Variants in CDH4 observed in about 807,000 individuals in gnomAD.
CDH4 encodes the protein cadherin 4, also known as cadherin-4.
A neutral mutation model predicts 86.0 loss-of-function variants in CDH4; 33 were observed. That is an observed-to-expected ratio of 0.38 (90% CI 0.29 to 0.51). The LOEUF is 0.51. CDH4 is among the 20% of genes least tolerant of loss of function. The pLI is 0.86. For synonymous variants in CDH4, 555 were observed against 549.4 expected (o/e 1.01, Z -0.14); for missense variants, 1,114 against 1,307.4 (o/e 0.85, Z 2.28).
intron 2 of CDH4, among the ~76,000 whole-genome samples, chr20:61,634,643 G>C (rs1352263552): frequency 6.6e-6 from 1 of 152,252 alleles, no homozygotes. Flanking sequence ...GTTGCTGGGA[G>C]CTTTTTTCCC....
intron 2 of CDH4, among the ~76,000 whole-genome samples, chr20:61,456,334 G>C (rs981029782): frequency 2.6e-4 from 40 of 152,360 alleles, no homozygotes; most frequent in African/African-American, 9.6e-4. Flanking sequence ...AGAACATTAA[G>C]TTGTTTAAGA....
intron 2 of CDH4, among the ~76,000 whole-genome samples, chr20:61,586,092 ATGATGG>A (rs1437521114): frequency 8.0e-5 from 12 of 150,312 alleles, no homozygotes; most frequent in Middle Eastern, 3.6e-3. Flanking sequence ...GGTGATGAAG[ATGATGG>A]TGATGGTGAT....
intron 4 of CDH4, among the ~76,000 whole-genome samples, chr20:61,826,709 A>G (rs892237565): frequency 3.3e-5 from 5 of 152,222 alleles, no homozygotes; most frequent in African/African-American, 1.2e-4. Context: ...TACTGCATGC[A>G]TTAGGGTGTG....
chr20:61,791,897 G>A (rs929321600), intron 4 of CDH4, among the ~76,000 whole-genome samples: 1 of 152,042 alleles, frequency 6.6e-6, no homozygotes, highest in African/African-American at 2.4e-5. Context: ...GAGGGAAAGG[G>A]AGGGAGGGGC....
intron 2 of CDH4, among the ~76,000 whole-genome samples, chr20:61,481,914 TATCG>T (rs1274599301): frequency 6.6e-6 from 1 of 152,240 alleles, no homozygotes; most frequent in African/African-American, 2.4e-5. Flanking sequence ...GTTCCATACA[TATCG>T]ATGACTTTTC....
intron 4 of CDH4, among the ~76,000 whole-genome samples, chr20:61,790,016 ATCCACAG>A (rs1979085799): frequency 6.6e-6 from 1 of 152,186 alleles, no homozygotes; most frequent in African/African-American, 2.4e-5. Context: ...TGAACAGTAT[ATCCACAG>A]TCTATTACAT....
chr20:61,812,262 G>A (rs4925296), intron 4 of CDH4, among the ~76,000 whole-genome samples: 118,857 of 151,988 alleles, frequency 0.78, 47,160 homozygotes, highest in East Asian at 0.85. Flanking sequence ...AGCCAGAGAC[G>A]GTCTCAGCCC....
intron 2 of CDH4, among the ~76,000 whole-genome samples, chr20:61,422,454 A>AAAAAAAAAAAAAAAAAAAAAAAAAC (rs2085184700): frequency 1.3e-5 from 1 of 78,982 alleles, no homozygotes; most frequent in Non-Finnish European, 2.5e-5. Flanking sequence ...AAAAAAAAAA[A>AAAAAAAAAAAAAAAAAAAAAAAAAC]AAAAAAAAAA....
chr20:61,705,667 C>T (rs1283592338), intron 2 of CDH4, among the ~76,000 whole-genome samples: 2 of 152,180 alleles, frequency 1.3e-5, no homozygotes, highest in African/African-American at 4.8e-5. Context: ...GGACTCATTG[C>T]AGCTTGGCCT....
intron 2 of CDH4, among the ~76,000 whole-genome samples, chr20:61,543,401 T>TA (rs2086054731): frequency 6.6e-6 from 1 of 152,210 alleles, no homozygotes; most frequent in African/African-American, 2.4e-5. Flanking sequence ...TCCCGTGACT[T>TA]AGAAAAGTGA....
chr20:61,640,592 G>T (rs1303917034), intron 2 of CDH4, among the ~76,000 whole-genome samples: 2 of 152,164 alleles, frequency 1.3e-5, no homozygotes, highest in Non-Finnish European at 2.9e-5. Context: ...AAATCTGTAG[G>T]TTGGAGTCCG....
intron 2 of CDH4, among the ~76,000 whole-genome samples, chr20:61,683,574 A>T (rs1270484295): frequency 1.3e-5 from 2 of 152,172 alleles, no homozygotes; most frequent in East Asian, 3.9e-4. Flanking sequence ...GCTTCCTCAG[A>T]TCCCGCAGAT....
At position 61,426,728 on chromosome 20, in the gene CDH4, G is replaced by T. The variant is rs2085217459; in HGVS notation, c.169+171791G>T. Among the ~76,000 whole-genome samples, 2 of 152,228 alleles carry T rather than the reference G, an allele frequency of 1.3e-5. 1 individual carries two copies. Among genetic ancestry groups the T allele is most frequent in the South Asian group, 4.1e-4 (2 of 4,834 alleles). On this transcript the variant is annotated intron_variant, in intron 2 of 15. Transcript: ENST00000614565. ...TGAGCTGTTGACACCAGCGAAGGTG[G>T]AGGGAGGGCTTTGGCCCCGCAAATT...
chr20:61,651,882 G>A lies in CDH4; in HGVS notation c.170-91681G>A, dbSNP rs181639873. Among the ~76,000 whole-genome samples the A allele has an allele frequency of 2.0e-3, 299 of 152,316 alleles. 3 individuals are homozygous for A. The highest frequency in any genetic ancestry group is 5.9e-3 in the African/African-American group (244 of 41,578). The stretch of plus-strand genomic sequence containing the variant: ...GGGTGGGAAGCCATCGGGGCTGGGC[G>A]TGCCAGGCAGGGCCCCAGCTCTGGG... On this transcript the variant is annotated intron_variant, in intron 2 of 15. Transcript: ENST00000614565.
intron 2 of CDH4, among the ~76,000 whole-genome samples, chr20:61,421,873 A>G (rs1241759754): frequency 6.6e-6 from 1 of 152,164 alleles, no homozygotes; most frequent in Admixed American, 6.5e-5. Flanking sequence ...ACCCATGCTC[A>G]TGGACTAAAC....
At position 61,410,258 on chromosome 20, in the gene CDH4, G is replaced by A. The variant is rs866028463; in HGVS notation, c.169+155321G>A. 4.0e-5 allele frequency among the ~76,000 whole-genome samples: 6 copies of A among 151,342 alleles called. No individual in the cohort carries two copies. The South Asian group carries it at 8.4e-4, about 21-fold the overall frequency. ...CCCATCCATTCATCCACTCACACAC[G>A]AATCCATCCATCCACTCACACATCC... On this transcript the variant is annotated intron_variant, in intron 2 of 15. Transcript: ENST00000614565.
intron 2 of CDH4, among the ~76,000 whole-genome samples, chr20:61,515,813 A>G (rs1230678969): frequency 1.3e-5 from 2 of 151,590 alleles, no homozygotes; most frequent in African/African-American, 4.9e-5. Flanking sequence ...TCGGAAATCT[A>G]CTCTCCTAGC....
chr20:61,676,620 G>C lies in CDH4; in HGVS notation c.170-66943G>C, dbSNP rs887581130. Among the ~76,000 whole-genome samples, 1 of 152,106 alleles carries C rather than the reference G, an allele frequency of 6.6e-6. No individual in the cohort carries two copies. Among genetic ancestry groups the C allele is most frequent in the African/African-American group, 2.4e-5 (1 of 41,414 alleles). ...TGCACCCAGCCAGGGTTCACTGAGT[G>C]TACCTGGCATTCTCTCAATTCTCTG... is the stretch of plus-strand genomic sequence containing the variant. On this transcript the variant is annotated intron_variant, in intron 2 of 15. Transcript: ENST00000614565. This position sits in a 1 kb window ranked among gnomAD's most constrained non-coding sequence, Gnocchi z 4.5.
intron 2 of CDH4, among the ~76,000 whole-genome samples, chr20:61,324,232 T>C (rs2084524995): frequency 6.6e-6 from 1 of 152,098 alleles, no homozygotes; most frequent in South Asian, 2.1e-4. Context: ...GGGGCTTCTG[T>C]ATGTGGTACA....
Sources: gnomAD v4.1 joint callset for allele counts (sites outside exome capture counted in the v4.1 genomes callset) on GRCh38, gnomAD v4.1.1 for gene constraint, Gnocchi (gnomAD v3.1) non-coding constraint, MANE v1.5 for transcripts, NCBI Gene and HGNC (gene_info 2026-07-23, HGNC 2026-07-21) for gene names.